Variants in CRKL observed in about 807,000 individuals in gnomAD.
CRKL encodes the protein crk-like protein.
A neutral mutation model predicts 23.0 loss-of-function variants in CRKL; 3 were observed. That is an observed-to-expected ratio of 0.13 (90% confidence interval 0.06 to 0.34). The LOEUF is 0.34. Among genes scored for constraint, CRKL ranks in the 10% least tolerant of loss-of-function variants. CRKL has a pLI of 1.00. For synonymous variants in CRKL, 188 were observed against 160.7 expected (o/e 1.17, Z -1.28); for missense variants, 256 against 394.5 (o/e 0.65, Z 2.97).
At chr22:20,947,220 A>C (rs1601686606) in intron 2 of CRKL, among the ~76,000 whole-genome samples, 1 of 146,474 alleles carries the variant, frequency 6.8e-6, no homozygotes. Context: ...TGCTGCTTTT[A>C]TGTGTTTTCT....
chr22:20,926,622 T>A (rs1298603962), intron 1 of CRKL, among the ~76,000 whole-genome samples: 1 of 152,042 alleles, frequency 6.6e-6, no homozygotes, highest in Non-Finnish European at 1.5e-5. Flanking sequence ...AAGGGCTGAA[T>A]ACATATAGAT....
rs1237242957 is a variant in CRKL, at chr22:20,949,947, C to T, written c.*102C>T. 9 of 1,446,788 alleles carry T rather than the reference C, an allele frequency of 6.2e-6. No homozygotes were observed. Among genetic ancestry groups the T allele is most frequent in the South Asian group, 2.9e-5 (2 of 69,548 alleles). The allele number at this position is 1,446,788 out of a possible 1,614,324, so 89.6% of individuals were successfully genotyped here. ...TCATAGGCAAGTCACACTGCATTGC[C>T]GAAGTCCAGCTTTCTGCAGACTGGC... is the stretch of plus-strand genomic sequence containing the variant. On this transcript the variant is annotated 3_prime_UTR_variant, in exon 3 of 3. Transcript: ENST00000354336.
Position 20,917,928 on chromosome 22 carries a change from C to G in CRKL, c.-7C>G, listed in dbSNP as rs757287218. 5.0e-6 allele frequency: 8 copies of G among 1,612,230 alleles called. No individual in the cohort carries two copies. In the East Asian group the frequency reaches 1.6e-4, roughly 31 times the overall value. ...CCCTACCGCCGCAGAGTCCCCGGTC[C>G]AACACCATGTCCTCCGCCAGGTTCG... is the stretch of plus-strand genomic sequence containing the variant. On this transcript the variant is annotated 5_prime_UTR_variant, in exon 1 of 3. Transcript: ENST00000354336.
intron 2 of CRKL, among the ~76,000 whole-genome samples, chr22:20,947,980 G>A (rs1601687078): frequency 6.6e-6 from 1 of 151,982 alleles, no homozygotes; most frequent in South Asian, 2.1e-4. Context: ...CACTGCGCCC[G>A]GCCACTTTGT....
At chr22:20,940,205 A>T (rs575482622) in intron 2 of CRKL, among the ~76,000 whole-genome samples, 3 of 152,012 alleles carry the variant, frequency 2.0e-5, no homozygotes, top group Non-Finnish European at 4.4e-5. Flanking sequence ...CCTTCTATGC[A>T]GCCTCTCCAG....
chr22:20,946,379 G>A (rs1469234220), intron 2 of CRKL, among the ~76,000 whole-genome samples: 2 of 152,138 alleles, frequency 1.3e-5, no homozygotes, highest in Non-Finnish European at 2.9e-5. Context: ...GACATAAAAG[G>A]GCTGACTAGT....
Position 20,931,744 on chromosome 22 carries a change from G to A in CRKL, c.312-2035G>A, listed in dbSNP as rs141137463. Among the ~76,000 whole-genome samples, 360 of 152,246 alleles carry A rather than the reference G, an allele frequency of 2.4e-3. 7 individuals carry two copies. The East Asian group carries it at 0.057, about 24-fold the overall frequency. On this transcript the variant is annotated intron_variant, in intron 1 of 2. Transcript: ENST00000354336. The stretch of plus-strand genomic sequence containing the variant: ...AAACCATGCCTAGCATAGATAATAA[G>A]TATGAGCTCTTTATTATTACTCTTG...
chr22:20,922,058 G>A (rs1340920042), intron 1 of CRKL, among the ~76,000 whole-genome samples: 4 of 135,226 alleles, frequency 3.0e-5, no homozygotes, highest in Admixed American at 1.7e-4. Flanking sequence ...CTGTGGCCAG[G>A]CTAGAGTGCA....
intron 2 of CRKL, 124 bp from the exon 3 acceptor site, chr22:20,949,587 G>A: frequency 7.5e-7 from 1 of 1,333,422 alleles, no homozygotes; most frequent in Non-Finnish European, 1.0e-6. Context: ...GGCTAACAGA[G>A]TGAGACCCTG....
rs1160569261 is a variant in CRKL at position 20,918,003 on chromosome 22, G to A, written c.69G>A (p.Glu23=). 1 of 1,614,210 alleles carries A rather than the reference G, an allele frequency of 6.2e-7. No homozygotes were observed. The highest frequency in any genetic ancestry group is 1.1e-5 in the South Asian group (1 of 91,090). ...AWYMGPVSRQ[E]AQTRLQGQRH... ...ATATGGGGCCGGTGTCTCGCCAGGA[G>A]GCGCAGACCCGGCTCCAGGGCCAGC... is the stretch of plus-strand genomic sequence containing the variant. The change falls in exon 1 of 3, where the codon GAG becomes GAA. Residue 23 remains glutamate (E), a synonymous_variant. Transcript: ENST00000354336.
intron 1 of CRKL, among the ~76,000 whole-genome samples, chr22:20,932,311 T>C (rs1921485031): frequency 6.6e-6 from 1 of 152,116 alleles, no homozygotes; most frequent in African/African-American, 2.4e-5. Flanking sequence ...GGTTTTGATA[T>C]GTTGGACAGG....
intron 2 of CRKL, among the ~76,000 whole-genome samples, chr22:20,941,260 T>A (rs1430698878): frequency 6.6e-6 from 1 of 151,982 alleles, no homozygotes; most frequent in African/African-American, 2.4e-5. Flanking sequence ...GCCGTGGTGG[T>A]GTGTGGATGT....
At chr22:20,931,356 G>A (rs1292102092) in intron 1 of CRKL, among the ~76,000 whole-genome samples, 1 of 152,204 alleles carries the variant, frequency 6.6e-6, no homozygotes, top group Non-Finnish European at 1.5e-5. Context: ...ACAGTGAGCT[G>A]TGGTTGTGCC....
chr22:20,938,271 A>C (rs1336494270), intron 2 of CRKL, among the ~76,000 whole-genome samples: 1 of 152,160 alleles, frequency 6.6e-6, no homozygotes, highest in East Asian at 1.9e-4. Flanking sequence ...CTTGATTTTC[A>C]AAAGAGGATT....
chr22:20,950,165 C>G lies in CRKL; in HGVS notation c.*320C>G, dbSNP rs189640104. On this transcript the variant is annotated 3_prime_UTR_variant, in exon 3 of 3. Coordinates refer to ENST00000354336, the MANE Select transcript of CRKL (RefSeq NM_005207.4). ...CATTGCTGCCCGTTTGTACATGGGACTGATTCTGTTGTGTTCACCAGAGAA... is the reference window on the plus strand; with the variant it reads ...CATTGCTGCCCGTTTGTACATGGGAGTGATTCTGTTGTGTTCACCAGAGAA... 112 of 332,126 alleles carry G rather than the reference C, an allele frequency of 3.4e-4. 2 individuals carry two copies. The East Asian group carries it at 4.8e-3, about 14-fold the overall frequency. 20.6% of individuals were successfully genotyped at this position (332,126 alleles called of 1,614,324 possible). A position where few individuals can be genotyped will look rare whatever the true frequency, so the allele number is the denominator to read the frequency against.
intron 2 of CRKL, among the ~76,000 whole-genome samples, chr22:20,941,588 A>ATATATATATTTTTTT (rs1247116681): frequency 3.0e-5 from 1 of 33,554 alleles, no homozygotes; most frequent in African/African-American, 1.2e-4. Context: ...GTATATATAT[A>ATATATATATTTTTTT]TTTTTTTTTT....
At chr22:20,922,503 C>T (rs993954642) in intron 1 of CRKL, among the ~76,000 whole-genome samples, 10 of 152,048 alleles carry the variant, frequency 6.6e-5, no homozygotes, top group African/African-American at 2.2e-4. Flanking sequence ...CTAATAGTGA[C>T]AGTGGAGCTG....
Position 20,949,765 on chromosome 22 carries a change from G to A in CRKL, c.832G>A (p.Glu278Lys), listed in dbSNP as rs1922197559. 6.2e-7 allele frequency: 1 copy of A among 1,613,374 alleles called. No homozygotes were observed. Among genetic ancestry groups the A allele is most frequent in the Non-Finnish European group, 8.5e-7 (1 of 1,179,688 alleles). The change falls in exon 3 of 3, where the codon GAA becomes AAA. Residue 278 changes from glutamate (E) to lysine (K), a missense_variant. By Grantham distance (56) the Glu-to-Lys change is moderately conservative. This residue lies in a region of CRKL where 129 missense variants were observed against 222.1 expected (regional missense o/e 0.58). Transcript: ENST00000354336. ...RMNINGQWEG[E>K]VNGRKGLFPF... ...GAATATAAATGGCCAGTGGGAAGGC[G>A]AAGTGAACGGGCGCAAAGGGCTTTT... is the stretch of plus-strand genomic sequence containing the variant.
At position 20,917,809 on chromosome 22, in the gene CRKL, C is replaced by T. The variant is rs1929745364; in HGVS notation, c.-126C>T. 2 of 928,216 alleles carry T rather than the reference C, an allele frequency of 2.2e-6. No homozygotes were observed. Among genetic ancestry groups the T allele is most frequent in the East Asian group, 2.6e-5 (1 of 37,848 alleles). 57.5% of individuals were successfully genotyped at this position (928,216 alleles called of 1,614,324 possible). On this transcript the variant is annotated 5_prime_UTR_variant, in exon 1 of 3. Coordinates refer to ENST00000354336, the MANE Select transcript of CRKL (RefSeq NM_005207.4). ...GAGAGGAAAGTGCTGGCCCAGCCCTCTGAGCGCTCCTCGAGGTGTGCGAGA... is the reference window on the plus strand; with the variant it reads ...GAGAGGAAAGTGCTGGCCCAGCCCTTTGAGCGCTCCTCGAGGTGTGCGAGA...
Sources: allele counts gnomAD v4.1 joint callset (sites outside exome capture counted in the v4.1 genomes callset), GRCh38; gene constraint gnomAD v4.1.1; regional missense constraint gnomAD v4.1.1; transcripts MANE v1.5; gene names NCBI Gene and HGNC (gene_info 2026-07-23, HGNC 2026-07-21).